The following PLCL1 variants were observed in gnomAD, a reference collection of about 807,000 sequenced individuals.
PLCL1 encodes the protein inactive phospholipase C-like protein 1.
Under a neutral mutation model 84.4 loss-of-function variants are expected in PLCL1, and 41 were observed. That is an observed-to-expected ratio of 0.49 (90% confidence interval 0.38 to 0.63). PLCL1 has a LOEUF of 0.63. PLCL1 is among the 30% of genes least tolerant of loss of function. The pLI is 0.00. For missense variants in PLCL1, 1,206 were observed against 1,367.8 expected, an observed-to-expected ratio of 0.88 and a Z score of 1.87; for synonymous variants, 490 against 488.3, an observed-to-expected ratio of 1.00 and a Z score of -0.05.
Position 198,029,613 on chromosome 2 carries a change from C to T in PLCL1, c.241-54145C>T, listed in dbSNP as rs73058874. Among the ~76,000 whole-genome samples the T allele has an allele frequency of 2.5e-3, 384 of 152,236 alleles. 2 individuals are homozygous for T. Among genetic ancestry groups the T allele is most frequent in the African/African-American group, 8.8e-3 (367 of 41,534 alleles). On this transcript the variant is annotated intron_variant, in intron 1 of 5. Transcript: ENST00000428675. ...CATCACCAAATGGGAGACTTAAGAG[C>T]CTTCTGCAGTCACGGCTGCAGTGGC...
intron 1 of PLCL1, among the ~76,000 whole-genome samples, chr2:198,029,152 C>T (rs369068750): frequency 3.9e-5 from 6 of 152,142 alleles, no homozygotes; most frequent in African/African-American, 4.8e-5. Context: ...ATTCATCTTC[C>T]TAAAGACTTT....
chr2:197,933,326 C>A (rs1445420126), intron 1 of PLCL1, among the ~76,000 whole-genome samples: 1 of 143,546 alleles, frequency 7.0e-6, no homozygotes, highest in East Asian at 2.0e-4. Context: ...CGCAGTGGTG[C>A]GATCTCGGCT....
intron 1 of PLCL1, among the ~76,000 whole-genome samples, chr2:197,817,374 ACG>A (rs772556269): frequency 6.6e-6 from 1 of 151,258 alleles, no homozygotes; most frequent in Non-Finnish European, 1.5e-5. Flanking sequence ...GTGCGTGTGC[ACG>A]TGTGTGTGTG....
chr2:198,127,647 A>G (rs1306122082), intron 5 of PLCL1, among the ~76,000 whole-genome samples: 1 of 152,186 alleles, frequency 6.6e-6, no homozygotes, highest in East Asian at 1.9e-4. Context: ...GGGATACACC[A>G]ATGTTTTTTG....
intron 1 of PLCL1, among the ~76,000 whole-genome samples, chr2:197,952,463 A>C (rs1178823881): frequency 2.0e-5 from 3 of 152,152 alleles, no homozygotes; most frequent in Non-Finnish European, 2.9e-5. Context: ...GCAAGAAGGA[A>C]AATTTTTTTG....
chr2:197,847,623 GA>G (rs1442790842), intron 1 of PLCL1, among the ~76,000 whole-genome samples: 3 of 152,184 alleles, frequency 2.0e-5, no homozygotes, highest in Admixed American at 2.0e-4. Flanking sequence ...TGTACTCACT[GA>G]AACTGAAATT....
chr2:197,923,495 A>G (rs1688763858), intron 1 of PLCL1, among the ~76,000 whole-genome samples: 1 of 143,194 alleles, frequency 7.0e-6, no homozygotes, highest in Non-Finnish European at 1.5e-5. Context: ...TCGGCCGGGC[A>G]GAGGCGCTCC....
Position 197,886,917 on chromosome 2 carries a change from A to G in PLCL1, c.240+81578A>G, listed in dbSNP as rs375254243. On this transcript the variant is annotated intron_variant, in intron 1 of 5. Coordinates refer to ENST00000428675, the MANE Select transcript of PLCL1 (RefSeq NM_006226.4). ...TATCCAGGAAGCCTTAGGTTTTTAT[A>G]TTCTGTTATTCTCTTCAGTTTGCAA... is the stretch of plus-strand genomic sequence containing the variant. Among the ~76,000 whole-genome samples the G allele has an allele frequency of 3.3e-5, 5 of 152,304 alleles. No individual in the cohort carries two copies. The East Asian group carries it at 9.7e-4, about 29-fold the overall frequency.
chr2:198,134,018 A>G (rs540020972), intron 5 of PLCL1, among the ~76,000 whole-genome samples: 2 of 152,190 alleles, frequency 1.3e-5, no homozygotes, highest in East Asian at 1.9e-4. Flanking sequence ...TGAAGTATAC[A>G]TTGTTGGATA....
intron 1 of PLCL1, among the ~76,000 whole-genome samples, chr2:197,922,484 A>G (rs1688722347): frequency 8.5e-6 from 1 of 117,364 alleles, no homozygotes; most frequent in Non-Finnish European, 1.9e-5. Flanking sequence ...CTATTCCACA[A>G]AGCCGCCATT....
chr2:197,940,834 G>A (rs1014925073), intron 1 of PLCL1, among the ~76,000 whole-genome samples: 1 of 152,006 alleles, frequency 6.6e-6, no homozygotes, highest in Non-Finnish European at 1.5e-5. Context: ...TAAATACTAT[G>A]ATTTCTATTT....
Position 198,085,688 on chromosome 2 carries a change from A to G in PLCL1, c.2171A>G (p.His724Arg). Residue 724 changes from histidine to arginine, a missense_variant, in exon 2 of 6, where the codon CAT becomes CGT. Coordinates refer to ENST00000428675, the MANE Select transcript of PLCL1 (RefSeq NM_006226.4). This position sits in a 1 kb window ranked among gnomAD's most constrained non-coding sequence, Gnocchi z 5.3. Reference sequence around the variant, plus strand: ...CCTGGGGTGTCTCCTCTAGCTCTTCATATCAAGATCATCAGTGGTCAGAAT... The same window carrying G: ...CCTGGGGTGTCTCCTCTAGCTCTTCGTATCAAGATCATCAGTGGTCAGAAT... ...ILPGVSPLAL[H>R]IKIISGQNFP... 1 of 1,614,160 alleles carries G rather than the reference A, an allele frequency of 6.2e-7. No individual in the cohort carries two copies.
intron 1 of PLCL1, among the ~76,000 whole-genome samples, chr2:198,035,302 C>T (rs1353107646): frequency 6.6e-6 from 1 of 152,176 alleles, no homozygotes; most frequent in Non-Finnish European, 1.5e-5. Flanking sequence ...ATCTAATTGC[C>T]TAGCTGTATC....
intron 1 of PLCL1, among the ~76,000 whole-genome samples, chr2:197,997,107 A>G (rs1690485814): frequency 6.6e-6 from 1 of 152,186 alleles, no homozygotes; most frequent in South Asian, 2.1e-4. Context: ...GTGTAGCACT[A>G]CTGTGGGGAG....
chr2:198,084,253 A>T lies in PLCL1; in HGVS notation c.736A>T (p.Thr246Ser). 1 of 1,614,132 alleles carries T rather than the reference A, an allele frequency of 6.2e-7. No homozygotes were observed. ...CACACCACGGTTCATGTGGTTGAAAACAGTGTTTGAAGCAGCAGATGTTGA... is the reference window on the plus strand; with the variant it reads ...CACACCACGGTTCATGTGGTTGAAATCAGTGTTTGAAGCAGCAGATGTTGA... ...QNTPRFMWLK[T>S]VFEAADVDGN... Residue 246 changes from threonine to serine, a missense_variant, in exon 2 of 6, where the codon ACA (threonine) becomes TCA (serine). Transcript: ENST00000428675.
intron 1 of PLCL1, among the ~76,000 whole-genome samples, chr2:197,948,669 T>C (rs186334926): frequency 9.8e-5 from 15 of 152,322 alleles, no homozygotes; most frequent in Non-Finnish European, 1.3e-4. Flanking sequence ...AATGAATGCA[T>C]GAACTCACTT....
chr2:198,089,308 T>C (rs985690669), intron 3 of PLCL1, among the ~76,000 whole-genome samples: 4 of 152,178 alleles, frequency 2.6e-5, no homozygotes, highest in African/African-American at 9.7e-5. Flanking sequence ...AAGGAATGAA[T>C]TATTAAAAAA....
chr2:197,821,668 T>C (rs1456532517), intron 1 of PLCL1, among the ~76,000 whole-genome samples: 1 of 152,110 alleles, frequency 6.6e-6, no homozygotes, highest in Non-Finnish European at 1.5e-5. Context: ...CCCATAAGTT[T>C]CACATGCCAC....
intron 1 of PLCL1, among the ~76,000 whole-genome samples, chr2:197,848,876 A>G (rs1314347030): frequency 2.6e-5 from 4 of 152,054 alleles, no homozygotes; most frequent in African/African-American, 9.7e-5. Flanking sequence ...AGTCCTGGGG[A>G]AGTAAAGAGA....
Sources: gnomAD v4.1 joint callset for allele counts (sites outside exome capture counted in the v4.1 genomes callset) on GRCh38, gnomAD v4.1.1 for gene constraint, Gnocchi (gnomAD v3.1) non-coding constraint, MANE v1.5 for transcripts, NCBI Gene and HGNC (gene_info 2026-07-23, HGNC 2026-07-21) for gene names.